Variants in PCDH15 observed in about 807,000 individuals in gnomAD.
PCDH15 encodes protocadherin related 15.
A neutral mutation model predicts 178.5 loss-of-function variants in PCDH15; 129 were observed. The observed-to-expected ratio is 0.72, with a 90% confidence interval of 0.63 to 0.84. The LOEUF (loss-of-function observed/expected upper bound fraction) is 0.84. PCDH15 is among the 40% of genes least tolerant of loss of function. PCDH15 has a pLI of 0.00. For synonymous variants in PCDH15, 800 were observed against 732.0 expected (o/e 1.09, Z -1.50); for missense variants, 2,230 against 2,099.9 (o/e 1.06, Z -1.21).
intron 2 of PCDH15, among the ~76,000 whole-genome samples, chr10:55,485,994 GCA>G: frequency 6.6e-6 from 1 of 151,646 alleles, no homozygotes. Context: ...AAAACACTTT[GCA>G]CATGTTGTCA....
chr10:55,601,794 G>A (rs1843086487), intron 2 of PCDH15, among the ~76,000 whole-genome samples: 1 of 152,060 alleles, frequency 6.6e-6, no homozygotes, highest in Non-Finnish European at 1.5e-5. Flanking sequence ...AATAAGAGAG[G>A]TAGAAGAAAA....
At chr10:55,593,398 G>T (rs543196029) in intron 2 of PCDH15, among the ~76,000 whole-genome samples, 2 of 151,986 alleles carry the variant, frequency 1.3e-5, no homozygotes, top group South Asian at 4.1e-4. Flanking sequence ...TATAATTTAT[G>T]TATCAAGGAA....
intron 3 of PCDH15, among the ~76,000 whole-genome samples, chr10:54,817,526 C>T (rs934867533): frequency 6.6e-6 from 1 of 151,952 alleles, no homozygotes; most frequent in Non-Finnish European, 1.5e-5. Context: ...ATTCCTGTGA[C>T]CTCGCCCATC....
At chr10:54,878,486 C>G (rs967949542) in intron 3 of PCDH15, among the ~76,000 whole-genome samples, 9 of 152,124 alleles carry the variant, frequency 5.9e-5, no homozygotes, top group East Asian at 1.9e-4. Context: ...ACCCTAGAAG[C>G]CTCATTCCAT....
chr10:55,398,375 G>A (rs1054488788), intron 2 of PCDH15, among the ~76,000 whole-genome samples: 1 of 152,066 alleles, frequency 6.6e-6, no homozygotes, highest in Non-Finnish European at 1.5e-5. Context: ...CAACAAAGAA[G>A]CACTTTGGTA....
chr10:55,478,336 A>C (rs1166494764), intron 2 of PCDH15, among the ~76,000 whole-genome samples: 1 of 151,744 alleles, frequency 6.6e-6, no homozygotes, highest in Non-Finnish European at 1.5e-5. Context: ...AGATATTTAA[A>C]AAACATTCCA....
chr10:55,183,635 T>A (rs1288982976), intron 1 of PCDH15, among the ~76,000 whole-genome samples: 2 of 150,572 alleles, frequency 1.3e-5, no homozygotes, highest in East Asian at 4.0e-4. Flanking sequence ...CTGCTTACAT[T>A]GTTTTTTCAG....
intron 26 of PCDH15, among the ~76,000 whole-genome samples, chr10:53,886,129 A>G (rs1046569941): frequency 2.6e-5 from 4 of 152,200 alleles, no homozygotes; most frequent in Admixed American, 1.3e-4. Context: ...AACAATGACT[A>G]TTGAGAGATC....
intron 4 of PCDH15, among the ~76,000 whole-genome samples, 160 bp downstream of exon 4, chr10:54,378,622 C>T (rs971949998): frequency 6.6e-6 from 1 of 152,106 alleles, no homozygotes; most frequent in African/African-American, 2.4e-5. Context: ...TGTTCCCTTC[C>T]TTTCTCATTC....
chr10:55,167,595 T>C lies in PCDH15; in HGVS notation c.-155-944A>G, dbSNP rs913458971. On this transcript the variant is annotated intron_variant, in intron 1 of 5. Coordinates refer to the PCDH15 transcript ENST00000458638. ...AGTTGTTAAGAAATTTTAACATTGG[T>C]ATCTTTCTACTGTGTTTTGATTTCA... 3.3e-5 allele frequency among the ~76,000 whole-genome samples: 5 copies of C among 152,312 alleles called. No homozygotes were observed. The South Asian group carries it at 1.0e-3, about 32-fold the overall frequency.
intron 1 of PCDH15, among the ~76,000 whole-genome samples, chr10:55,264,617 A>G (rs2132239117): frequency 6.6e-6 from 1 of 152,256 alleles, no homozygotes; most frequent in South Asian, 2.1e-4. Context: ...GGACGCCTCT[A>G]TTCCCTGTCT....
chr10:53,857,600 C>T (rs1401374864), intron 27 of PCDH15, among the ~76,000 whole-genome samples: 1 of 151,360 alleles, frequency 6.6e-6, no homozygotes, highest in Non-Finnish European at 1.5e-5. Flanking sequence ...TAAGGAACAC[C>T]CAAGATAATG....
At chr10:54,399,606 G>C (rs1951689463) in intron 3 of PCDH15, among the ~76,000 whole-genome samples, 1 of 152,074 alleles carries the variant, frequency 6.6e-6, no homozygotes, top group South Asian at 2.1e-4. Flanking sequence ...GGAAATAACT[G>C]TATTCCAACT....
At chr10:54,516,435 A>T (rs7075545) in intron 3 of PCDH15, among the ~76,000 whole-genome samples, 2 of 151,548 alleles carry the variant, frequency 1.3e-5, no homozygotes, top group Non-Finnish European at 2.9e-5. Flanking sequence ...GGAGCCGATG[A>T]GATCAACTGG....
chr10:55,583,284 A>T (rs146102195), intron 2 of PCDH15, among the ~76,000 whole-genome samples: 5 of 152,354 alleles, frequency 3.3e-5, no homozygotes, highest in African/African-American at 9.6e-5. Context: ...TAAAGTTTTC[A>T]CAGGAAGAAT....
chr10:53,975,977 T>C (rs573383715), intron 21 of PCDH15, among the ~76,000 whole-genome samples: 6 of 152,334 alleles, frequency 3.9e-5, no homozygotes, highest in African/African-American at 1.4e-4. Flanking sequence ...AGTTTCATTC[T>C]TCTGCATATG....
chr10:55,258,186 T>C (rs1429933355), intron 1 of PCDH15, among the ~76,000 whole-genome samples: 1 of 152,164 alleles, frequency 6.6e-6, no homozygotes, highest in African/African-American at 2.4e-5. Context: ...AATAGGGACA[T>C]GAGAATTGGA....
upstream of PCDH15, among the ~76,000 whole-genome samples, chr10:55,320,809 G>A (rs1418972900): frequency 6.6e-6 from 1 of 152,098 alleles, no homozygotes; most frequent in African/African-American, 2.4e-5. Context: ...AAGACTGAAG[G>A]AATATCAGCA....
In PCDH15 at chr10:54,068,937, A is replaced by G. The variant is rs2094188818; in HGVS notation, c.2092-2052T>C. 2.6e-5 allele frequency among the ~76,000 whole-genome samples: 4 copies of G among 152,334 alleles called. No individual in the cohort carries two copies. In the South Asian group the frequency reaches 8.3e-4, roughly 32 times the overall value. On this transcript the variant is annotated intron_variant, in intron 17 of 37. Coordinates refer to ENST00000644397, the MANE Select transcript of PCDH15 (RefSeq NM_001384140.1). The stretch of plus-strand genomic sequence containing the variant: ...GATATATGTAAGTATGTTTAAAGAA[A>G]TTCAAGTGCTACTTGACTAGATGGA...
Sources: allele counts gnomAD v4.1 joint callset (sites outside exome capture counted in the v4.1 genomes callset), GRCh38; gene constraint gnomAD v4.1.1; transcripts MANE v1.5; gene names NCBI Gene and HGNC (gene_info 2026-07-23, HGNC 2026-07-21).